Variants in TSHZ3 observed in about 807,000 individuals in gnomAD.
TSHZ3 encodes teashirt zinc finger homeobox 3, also known as teashirt homolog 3.
Under a neutral mutation model 64.5 loss-of-function variants are expected in TSHZ3, and 10 were observed. The ratio of observed to expected loss-of-function variants is 0.16; its 90% CI spans 0.10 to 0.26. The LOEUF (loss-of-function observed/expected upper bound fraction) is 0.26. Ranked by LOEUF, TSHZ3 falls within the 10% of genes least tolerant of loss-of-function variation. TSHZ3 has a pLI of 1.00. For missense variants in TSHZ3, 1,242 were observed against 1,421.7 expected, an observed-to-expected ratio of 0.87 and a Z score of 2.03; for synonymous variants, 608 against 593.1, an observed-to-expected ratio of 1.03 and a Z score of -0.36.
rs372123849 is a variant in TSHZ3 at position 31,278,430 on chromosome 19, G to A, written c.1363C>T (p.Pro455Ser). Reference sequence around the variant, plus strand: ...GAGATGCTGGCAGGTGTATTGGAGGGGGACGTGAAGGTGGTGGCTGCCAGG... The same window carrying A: ...GAGATGCTGGCAGGTGTATTGGAGGAGGACGTGAAGGTGGTGGCTGCCAGG... ...VPLAATTFTS[P>S]SNTPASISPK... is the part of the protein sequence containing the mutation. Residue 455 changes from proline to serine, a missense_variant, in exon 2 of 2, where the codon CCC becomes TCC. Physicochemically the swap from Pro to Ser is moderately conservative, Grantham distance 74 (BLOSUM62 -1). Around this residue, in one of 4 missense-constraint regions of TSHZ3, gnomAD observed 555 missense variants for 704.0 expected, o/e 0.79. Transcript: ENST00000240587. The surrounding 1 kb of genome is among the most constrained non-coding windows in gnomAD (Gnocchi z 4.7). 14 of 1,614,146 alleles carry A rather than the reference G, an allele frequency of 8.7e-6. No homozygotes were observed. The South Asian group carries it at 1.4e-4, about 16-fold the overall frequency.
chr19:31,205,377 A>G (rs927073246), intron 4 of TSHZ3, among the ~76,000 whole-genome samples: 2 of 152,194 alleles, frequency 1.3e-5, no homozygotes, highest in Non-Finnish European at 2.9e-5. Context: ...CATTATGGAC[A>G]GAGCTGACTG....
chr19:31,206,012 C>A (rs534697362), intron 4 of TSHZ3, among the ~76,000 whole-genome samples: 1 of 150,248 alleles, frequency 6.7e-6, no homozygotes, highest in South Asian at 2.1e-4. Context: ...TGGATGCATG[C>A]ATAGATGAAT....
chr19:31,332,714 G>C (rs1056732482), intron 1 of TSHZ3, among the ~76,000 whole-genome samples: 14 of 152,122 alleles, frequency 9.2e-5, no homozygotes, highest in African/African-American at 2.9e-4. Context: ...GCAATGCAAA[G>C]CAGAGAAAAA....
intron 1 of TSHZ3, among the ~76,000 whole-genome samples, chr19:31,332,442 G>T (rs1917123489): frequency 6.6e-6 from 1 of 152,276 alleles, no homozygotes; most frequent in South Asian, 2.1e-4. Context: ...ATAATGTCAT[G>T]GGATAGAAAC....
chr19:31,165,656 C>A (rs927650316), intron 5 of TSHZ3, among the ~76,000 whole-genome samples: 5 of 152,070 alleles, frequency 3.3e-5, no homozygotes, highest in Non-Finnish European at 7.3e-5. Context: ...TGCCCTGACC[C>A]GGGGAGATCC....
At chr19:31,173,933 G>T (rs1266761588) in intron 5 of TSHZ3, among the ~76,000 whole-genome samples, 1 of 152,130 alleles carries the variant, frequency 6.6e-6, no homozygotes, top group Non-Finnish European at 1.5e-5. Context: ...AGCTGGGCGT[G>T]GTGGTGTTCC....
intron 1 of TSHZ3, among the ~76,000 whole-genome samples, chr19:31,286,979 T>A (rs1017422468): frequency 1.3e-5 from 2 of 152,212 alleles, no homozygotes; most frequent in African/African-American, 4.8e-5. Flanking sequence ...AAGAAATTAA[T>A]ATGTGTCATA....
Position 31,349,354 on chromosome 19 carries a change from G to T in TSHZ3, c.-135C>A. The T allele has an allele frequency of 1.3e-6, 1 of 741,538 alleles. No homozygotes were observed. The highest frequency in any genetic ancestry group is 1.9e-6 in the Non-Finnish European group (1 of 514,270). 45.9% of individuals were successfully genotyped at this position (741,538 alleles called of 1,614,324 possible). A position where few individuals can be genotyped will look rare whatever the true frequency, so the allele number is the denominator to read the frequency against. ...CCTCCCCCCCGGAGAGCGGCCGCCC[G>T]CAGGATGCTGCTGCGCCCAGGCTCT... On this transcript the variant is annotated 5_prime_UTR_variant, in exon 1 of 2. Coordinates refer to ENST00000240587, the MANE Select transcript of TSHZ3 (RefSeq NM_020856.4).
rs554185743 is a variant in TSHZ3 at position 31,321,284 on chromosome 19, A to C, written c.40+27896T>G. On this transcript the variant is annotated intron_variant, in intron 1 of 1. Transcript: ENST00000240587. The stretch of plus-strand genomic sequence containing the variant: ...CTGAGAAGGCCATGGCTCTCACTTA[A>C]GGCTGACATGGGAGACAGGCAGGGC... Among the ~76,000 whole-genome samples the C allele has an allele frequency of 3.3e-5, 5 of 152,294 alleles. No homozygotes were observed. In the East Asian group the frequency reaches 5.8e-4, roughly 18 times the overall value.
At chr19:31,225,571 C>T (rs925375886) in intron 4 of TSHZ3, among the ~76,000 whole-genome samples, 1 of 152,198 alleles carries the variant, frequency 6.6e-6, no homozygotes, top group Non-Finnish European at 1.5e-5. Context: ...AGGAGCATCT[C>T]TTTCTTGCAT....
downstream of TSHZ3, among the ~76,000 whole-genome samples, chr19:31,272,268 C>T (rs1429524153): frequency 6.6e-6 from 1 of 151,996 alleles, no homozygotes; most frequent in Non-Finnish European, 1.5e-5. Context: ...TATTTTGTCA[C>T]CACGTCTGTG....
rs1916365097 is a variant in TSHZ3, at chr19:31,308,629, CA to C, written c.41-28878del. On this transcript the variant is annotated intron_variant, in intron 1 of 1. Transcript: ENST00000240587. ...AGGTGTTTTAGGCTCCACAGGTACA[CA>C]GGGGTAGTGTGAAGAGACTAGGGCA... 13 of 398,560 alleles carry C rather than the reference CA, an allele frequency of 3.3e-5. No homozygotes were observed. In the East Asian group the frequency reaches 4.6e-4, roughly 14 times the overall value. The allele number at this position is 398,560 out of a possible 1,614,324, so 24.7% of individuals were successfully genotyped here. A position where few individuals can be genotyped will look rare whatever the true frequency, so the allele number is the denominator to read the frequency against.
chr19:31,323,472 C>G (rs1182655056), intron 1 of TSHZ3, among the ~76,000 whole-genome samples: 1 of 152,188 alleles, frequency 6.6e-6, no homozygotes, highest in Non-Finnish European at 1.5e-5. Flanking sequence ...AGTAGAAAGA[C>G]AAAGCATAAT....
chr19:31,311,063 C>G (rs1916442930), intron 1 of TSHZ3, among the ~76,000 whole-genome samples: 1 of 152,198 alleles, frequency 6.6e-6, no homozygotes, highest in African/African-American at 2.4e-5. Context: ...GGTGGTGCCA[C>G]CTGGTAAGGT....
At chr19:31,200,506 C>CCT (rs1975065952) in intron 5 of TSHZ3, among the ~76,000 whole-genome samples, 2 of 151,750 alleles carry the variant, frequency 1.3e-5, no homozygotes. Flanking sequence ...AATTTCAACT[C>CCT]TGACATTCTG....
At chr19:31,293,322 G>A (rs1454245546) in intron 1 of TSHZ3, among the ~76,000 whole-genome samples, 8 of 152,228 alleles carry the variant, frequency 5.3e-5, no homozygotes, top group Non-Finnish European at 4.4e-5. Flanking sequence ...AAGGGCATTA[G>A]AGAATCATAC....
chr19:31,325,918 C>T (rs1292348851), intron 1 of TSHZ3, among the ~76,000 whole-genome samples: 1 of 152,166 alleles, frequency 6.6e-6, no homozygotes, highest in Non-Finnish European at 1.5e-5. Flanking sequence ...GACTGAGATA[C>T]ATAGATTTGC....
At chr19:31,306,075 T>C (rs1370967050) in intron 1 of TSHZ3, among the ~76,000 whole-genome samples, 1 of 152,142 alleles carries the variant, frequency 6.6e-6, no homozygotes, top group East Asian at 1.9e-4. Flanking sequence ...TTTGGAATGG[T>C]CAAATGTCAA....
intron 5 of TSHZ3, among the ~76,000 whole-genome samples, chr19:31,173,321 A>G (rs1315974426): frequency 6.6e-6 from 1 of 152,224 alleles, no homozygotes; most frequent in South Asian, 2.1e-4. Flanking sequence ...ATTAATGCAA[A>G]GTAGTTTGTA....
Sources: gnomAD v4.1 joint callset for allele counts (sites outside exome capture counted in the v4.1 genomes callset) on GRCh38, gnomAD v4.1.1 for gene constraint, gnomAD v4.1.1 regional missense constraint, Gnocchi (gnomAD v3.1) non-coding constraint, MANE v1.5 for transcripts, NCBI Gene and HGNC (gene_info 2026-07-23, HGNC 2026-07-21) for gene names.